The following RIPK4 variants were observed in gnomAD, a reference collection of about 807,000 sequenced individuals.
RIPK4 encodes the protein receptor interacting serine/threonine kinase 4.
A neutral mutation model predicts 42.9 loss-of-function variants in RIPK4; 17 were observed. That is an observed-to-expected ratio of 0.40 (90% CI 0.27 to 0.59). RIPK4 has a LOEUF of 0.59. Ranked by LOEUF, RIPK4 falls within the 20% of genes least tolerant of loss-of-function variation. The pLI is 0.47. For missense variants in RIPK4, 897 were observed against 1,104.4 expected (o/e 0.81, Z 2.66); for synonymous variants, 498 against 499.1 (o/e 1.00, Z 0.03).
rs1425326630 is a variant in RIPK4 at position 41,746,677 on chromosome 21, G to C, written c.768C>G (p.Ser256Arg). 1 of 1,611,130 alleles carries C rather than the reference G, an allele frequency of 6.2e-7. No individual in the cohort carries two copies. Among genetic ancestry groups the C allele is most frequent in the Non-Finnish European group, 8.5e-7 (1 of 1,179,848 alleles). ...ACCGCTGCATGAGGCGTATCAGGTGGCTGCAGGCGCGCGGCCGGGCTCTGC... is the reference window on the plus strand; with the variant it reads ...ACCGCTGCATGAGGCGTATCAGGTGCCTGCAGGCGCGCGGCCGGGCTCTGC... ...PVCRARPRAC[S>R]HLIRLMQRCW... Residue 256 changes from serine to arginine, a missense_variant, in exon 5 of 8, where the codon AGC becomes AGG. By Grantham distance (110) the Ser-to-Arg change is moderately radical. Coordinates refer to ENST00000332512, the MANE Select transcript of RIPK4 (RefSeq NM_020639.3).
At position 41,756,641 on chromosome 21, in the gene RIPK4, G is replaced by A. The variant is rs765708371; in HGVS notation, c.358C>T (p.Arg120Ter). Residue 120 changes from arginine to a stop codon, truncating the protein, a stop_gained, in exon 2 of 8, where the codon CGA (arginine) becomes TGA (stop). Transcript: ENST00000332512. LOFTEE classifies it high-confidence loss of function. ...CCCACCGCCGTCTCGTGGATGATTC[G>A]GAACCGGAGATCCCATGGCAATGGC... The part of the protein sequence containing the change: ...SEPLPWDLRF[R>*]IIHETAVGMN... The A allele has an allele frequency of 5.6e-6, 9 of 1,613,944 alleles. No homozygotes were observed. The highest frequency in any genetic ancestry group is 2.2e-5 in the East Asian group (1 of 44,892).
rs2061162716 is a variant in RIPK4 at position 41,744,050 on chromosome 21, C to T, written c.1027G>A (p.Val343Ile). The T allele has an allele frequency of 1.9e-6, 3 of 1,613,058 alleles. No individual in the cohort carries two copies. The highest frequency in any genetic ancestry group is 3.3e-5 in the Admixed American group (2 of 59,984). The change falls in exon 7 of 8, where the codon GTT becomes ATT. Residue 343 changes from valine (V) to isoleucine (I), a missense_variant. Physicochemically the swap from Val to Ile is conservative, Grantham distance 29. Coordinates refer to ENST00000332512, the MANE Select transcript of RIPK4 (RefSeq NM_020639.3). ...TCGGGGCCCTCGACAGCCTGGGAAA[C>T]TCCAGAGTCCAGCTGTGAGAGCAGC... ...SELLSQLDSGVSQAVEGPEEL... is the reference protein window; with the variant it reads ...SELLSQLDSGISQAVEGPEEL...
At chr21:41,753,425 T>A (rs2061194289) in intron 2 of RIPK4, among the ~76,000 whole-genome samples, 1 of 152,252 alleles carries the variant, frequency 6.6e-6, no homozygotes, top group Non-Finnish European at 1.5e-5. Context: ...AGAAATTCTC[T>A]GTAAAACCTC....
At chr21:41,750,918 T>C (rs2061186479) in intron 3 of RIPK4, among the ~76,000 whole-genome samples, 179 bp downstream of exon 3, 1 of 152,140 alleles carries the variant, frequency 6.6e-6, no homozygotes, top group South Asian at 2.1e-4. Context: ...GCTCAAGTAA[T>C]CCTCCTGCCT....
chr21:41,744,767 C>T (rs560456818), intron 6 of RIPK4, among the ~76,000 whole-genome samples: 16 of 152,228 alleles, frequency 1.1e-4, no homozygotes, highest in Non-Finnish European at 1.5e-4. Context: ...CGCGGAGCCA[C>T]GTGGGGCTGG....
In RIPK4 at chr21:41,741,159, G is replaced by A. The variant is rs1456927555; in HGVS notation, c.2034C>T (p.Ala678=). The A allele has an allele frequency of 1.2e-6, 2 of 1,612,820 alleles. No homozygotes were observed. The highest frequency in any genetic ancestry group is 1.1e-5 in the South Asian group (1 of 91,020). The change falls in exon 8 of 8, where the codon GCC becomes GCT. Residue 678 remains alanine, a synonymous_variant. Transcript: ENST00000332512. ...TGACAGTGGCCAGGTGTCCGTTGCGGGCAGCCAGGTGCAGAGCGGTGTAGC... is the reference window on the plus strand; with the variant it reads ...TGACAGTGGCCAGGTGTCCGTTGCGAGCAGCCAGGTGCAGAGCGGTGTAGC... ...SDGYTALHLA[A]RNGHLATVKL... is the part of the protein sequence containing the mutation.
At chr21:41,761,281 C>G (rs951208906) in intron 1 of RIPK4, among the ~76,000 whole-genome samples, 2 of 152,256 alleles carry the variant, frequency 1.3e-5, no homozygotes, top group Non-Finnish European at 2.9e-5. Flanking sequence ...CTGGGAACAC[C>G]GGTTGGCTGA....
At position 41,740,202 on chromosome 21, in the gene RIPK4, G is replaced by A. The variant is rs573586559; in HGVS notation, c.*636C>T. Reference sequence around the variant, plus strand: ...ATGGTTAAGAGCTGGCCACACATACGCCCCGCAAAGCTGGCTGCTACCATT... The same window carrying A: ...ATGGTTAAGAGCTGGCCACACATACACCCCGCAAAGCTGGCTGCTACCATT... On this transcript the variant is annotated 3_prime_UTR_variant, in exon 8 of 8. Coordinates refer to ENST00000332512, the MANE Select transcript of RIPK4 (RefSeq NM_020639.3). 3.3e-5 allele frequency: 5 copies of A among 152,288 alleles called. No individual in the cohort carries two copies. The highest frequency in any genetic ancestry group is 4.1e-4 in the South Asian group (2 of 4,828). The allele number at this position is 152,288 out of a possible 1,614,324, so 9.4% of individuals were successfully genotyped here. A position where few individuals can be genotyped will look rare whatever the true frequency, so the allele number is the denominator to read the frequency against.
At position 41,766,880 on chromosome 21, in the gene RIPK4, G is replaced by T; in HGVS notation, c.162C>A (p.Pro54=). The T allele has an allele frequency of 6.2e-7, 1 of 1,610,118 alleles. No homozygotes were observed. The change falls in exon 1 of 8, where the codon CCC becomes CCA. Residue 54 remains proline, a synonymous_variant. Coordinates refer to ENST00000332512, the MANE Select transcript of RIPK4 (RefSeq NM_020639.3). ...WKTWLAIKCS[P]SLHVDDRERM... ...CTCACCTGTCGTCGACGTGCAGGCT[G>T]GGCGAGCACTTGATGGCCAGCCAGG...
intron 4 of RIPK4, 194 bp from the exon 5 acceptor site, chr21:41,746,965 T>C (rs780865560): frequency 1.0e-5 from 6 of 601,578 alleles, no homozygotes; most frequent in Admixed American, 3.5e-5. Flanking sequence ...CCATGCTCTC[T>C]AGTTTCCTGG....
rs774992899 is a variant in RIPK4, at chr21:41,741,332, G to A, written c.1861C>T (p.Arg621Cys). The change falls in exon 8 of 8, where the codon CGC (arginine) becomes TGC (cysteine). Residue 621 changes from arginine (R) to cysteine (C), a missense_variant. By Grantham distance (180) the Arg-to-Cys change is radical. Coordinates refer to ENST00000332512, the MANE Select transcript of RIPK4 (RefSeq NM_020639.3). ...TCGGAGCACAGGTCGATGAGGATGC[G>A]GGCCACGCGGTAGTGCCCGCGCTGT... ...AAQRGHYRVARILIDLCSDVN... is the reference protein window; with the variant it reads ...AAQRGHYRVACILIDLCSDVN... The A allele has an allele frequency of 1.2e-5, 19 of 1,609,356 alleles. No homozygotes were observed. The highest frequency in any genetic ancestry group is 2.7e-5 in the African/African-American group (2 of 74,888).
chr21:41,740,749 G>C lies in RIPK4; in HGVS notation c.*89C>G. 7.4e-7 allele frequency: 1 copy of C among 1,356,022 alleles called. No individual in the cohort carries two copies. Among genetic ancestry groups the C allele is most frequent in the South Asian group, 1.4e-5 (1 of 69,924 alleles). The allele number at this position is 1,356,022 out of a possible 1,614,324, so 84.0% of individuals were successfully genotyped here. A position where few individuals can be genotyped will look rare whatever the true frequency, so the allele number is the denominator to read the frequency against. On this transcript the variant is annotated 3_prime_UTR_variant, in exon 8 of 8. Transcript: ENST00000332512. ...GTTAACATTTAGGTAAGCCACAACA[G>C]GGCCCCACGCAGGATCGTTCCATCC...
At chr21:41,763,108 C>G (rs1230220740) in intron 1 of RIPK4, among the ~76,000 whole-genome samples, 2 of 152,154 alleles carry the variant, frequency 1.3e-5, no homozygotes, top group Non-Finnish European at 2.9e-5. Context: ...AAAAGCCCCC[C>G]CTCCCCCGCA....
intron 2 of RIPK4, among the ~76,000 whole-genome samples, chr21:41,753,799 C>T (rs1024197741): frequency 2.0e-5 from 3 of 152,186 alleles, no homozygotes; most frequent in Admixed American, 6.5e-5. Context: ...CACAGCAGAA[C>T]GTGACCCGCG....
At chr21:41,756,911 C>T in intron 1 of RIPK4, 95 bp from the exon 2 acceptor site, 1 of 1,331,224 alleles carries the variant, frequency 7.5e-7, no homozygotes, top group Non-Finnish European at 1.0e-6. Flanking sequence ...CTCCAGAGGG[C>T]TGAGCAAATG....
intron 1 of RIPK4, among the ~76,000 whole-genome samples, chr21:41,761,649 T>A (rs999280285): frequency 6.6e-6 from 1 of 152,156 alleles, no homozygotes; most frequent in Non-Finnish European, 1.5e-5. Flanking sequence ...TTCGCAAGGG[T>A]CATTTTTCCA....
chr21:41,747,383 C>T (rs557629932), intron 4 of RIPK4, among the ~76,000 whole-genome samples: 1 of 152,262 alleles, frequency 6.6e-6, no homozygotes, highest in East Asian at 1.9e-4. Flanking sequence ...TGGGCTCTAG[C>T]TTATTATTAT....
At chr21:41,766,713 C>T in intron 1 of RIPK4, 147 bp downstream of exon 1, 1 of 851,962 alleles carries the variant, frequency 1.2e-6, no homozygotes, top group Non-Finnish European at 1.7e-6. Context: ...GTCGGAGCCC[C>T]GCGGCCTCGC....
At position 41,741,432 on chromosome 21, in the gene RIPK4, C is replaced by G; in HGVS notation, c.1761G>C (p.Lys587Asn). ...TCACCCCCGGCTGCTTGGCCAGCAG[C>G]TTGACGATGGGCAGGTGGCCCTGCC... ...AAWQGHLPIV[K>N]LLAKQPGVSV... Residue 587 changes from lysine to asparagine, a missense_variant, in exon 8 of 8, where the codon AAG becomes AAC. Lys to Asn is a moderately conservative substitution (Grantham distance 94). Transcript: ENST00000332512. 1 of 1,612,926 alleles carries G rather than the reference C, an allele frequency of 6.2e-7. No homozygotes were observed. Among genetic ancestry groups the G allele is most frequent in the Non-Finnish European group, 8.5e-7 (1 of 1,179,942 alleles).
Sources: allele counts gnomAD v4.1 joint callset (sites outside exome capture counted in the v4.1 genomes callset), GRCh38; gene constraint gnomAD v4.1.1; transcripts MANE v1.5; gene names NCBI Gene and HGNC (gene_info 2026-07-23, HGNC 2026-07-21).